SLC39A11: variants seen among roughly 807,000 people sequenced by gnomAD.
SLC39A11 encodes zinc transporter ZIP11.
SLC39A11 carries 33 observed loss-of-function variants against 36.1 expected under a neutral mutation model. The ratio of observed to expected loss-of-function variants is 0.91; its 90% CI spans 0.69 to 1.22. The LOEUF (loss-of-function observed/expected upper bound fraction) is 1.22. SLC39A11 is among the 50% of genes most tolerant of loss of function. The pLI, the probability that SLC39A11 is intolerant of heterozygous loss-of-function variation, is 0.00. For missense variants in SLC39A11, 432 were observed against 430.3 expected, an observed-to-expected ratio of 1.00 and a Z score of -0.03; for synonymous variants, 166 against 170.3, an observed-to-expected ratio of 0.97 and a Z score of 0.20.
intron 5 of SLC39A11, among the ~76,000 whole-genome samples, chr17:72,862,689 A>G (rs2080101144): frequency 6.6e-6 from 1 of 152,202 alleles, no homozygotes; most frequent in Non-Finnish European, 1.5e-5. Context: ...AGGTTTGAGA[A>G]ATACAGATTG....
chr17:72,991,909 T>A (rs2089207976), intron 4 of SLC39A11, among the ~76,000 whole-genome samples: 1 of 152,208 alleles, frequency 6.6e-6, no homozygotes, highest in South Asian at 2.1e-4. Flanking sequence ...TACCAGATAT[T>A]AACAAATTAC....
chr17:72,821,589 T>C (rs926454667), intron 6 of SLC39A11: 2 of 139,344 alleles, frequency 1.4e-5, no homozygotes, highest in Non-Finnish European at 3.1e-5. Context: ...TGAAAAGACA[T>C]ACACACAGCA....
chr17:72,791,655 T>C (rs566873873), intron 6 of SLC39A11, among the ~76,000 whole-genome samples: 5 of 152,246 alleles, frequency 3.3e-5, no homozygotes, highest in Non-Finnish European at 5.9e-5. Context: ...CCAAATCTCA[T>C]CTTGAATTGT....
intron 7 of SLC39A11, among the ~76,000 whole-genome samples, chr17:72,689,905 A>C (rs2071942461): frequency 6.6e-6 from 1 of 152,232 alleles, no homozygotes; most frequent in Non-Finnish European, 1.5e-5. Flanking sequence ...CTAAATGCCA[A>C]TAAATGGTTC....
chr17:72,877,328 C>A (rs1156963346), intron 5 of SLC39A11, among the ~76,000 whole-genome samples: 7 of 152,216 alleles, frequency 4.6e-5, no homozygotes, highest in Admixed American at 4.6e-4. Context: ...ATTCATGACA[C>A]TGGGTCTCTG....
At chr17:73,020,680 CTTTT>C (rs71154945) in intron 4 of SLC39A11, among the ~76,000 whole-genome samples, 15 of 98,896 alleles carry the variant, frequency 1.5e-4, no homozygotes, top group Admixed American at 5.5e-4. Context: ...TTGTTTCTTT[CTTTT>C]TTTTTTTTTT....
intron 3 of SLC39A11, among the ~76,000 whole-genome samples, chr17:73,052,451 T>C (rs1480907457): frequency 6.6e-6 from 1 of 151,332 alleles, no homozygotes; most frequent in Non-Finnish European, 1.5e-5. Flanking sequence ...GATGATAAAA[T>C]AAAGAGCGAA....
At chr17:72,711,498 T>C (rs1269446392) in intron 7 of SLC39A11, among the ~76,000 whole-genome samples, 1 of 152,230 alleles carries the variant, frequency 6.6e-6, no homozygotes, top group Non-Finnish European at 1.5e-5. Context: ...ATGACCGTGG[T>C]GTCATGCTAC....
At chr17:72,857,455 T>C (rs2079705770) in intron 5 of SLC39A11, among the ~76,000 whole-genome samples, 1 of 152,206 alleles carries the variant, frequency 6.6e-6, no homozygotes, top group Non-Finnish European at 1.5e-5. Flanking sequence ...GATGTGCATG[T>C]GTCTTTATGG....
intron 7 of SLC39A11, among the ~76,000 whole-genome samples, chr17:72,721,087 CTTTT>C (rs56090007): frequency 7.9e-6 from 1 of 126,546 alleles, no homozygotes; most frequent in Admixed American, 8.2e-5. Context: ...TGTCCCTCGC[CTTTT>C]TTTTTTTTTT....
intron 5 of SLC39A11, among the ~76,000 whole-genome samples, chr17:72,926,922 C>T (rs1312787257): frequency 1.3e-5 from 2 of 151,458 alleles, no homozygotes; most frequent in African/African-American, 2.4e-5. Flanking sequence ...AAATGCCCCA[C>T]GTGACCTTGC....
At chr17:72,868,583 A>G (rs1282220837) in intron 5 of SLC39A11, among the ~76,000 whole-genome samples, 2 of 142,070 alleles carry the variant, frequency 1.4e-5, no homozygotes, top group African/African-American at 5.2e-5. Flanking sequence ...GTAGTTCAAG[A>G]CCAGCCTCGG....
intron 5 of SLC39A11, among the ~76,000 whole-genome samples, chr17:72,882,831 C>G (rs1267836908): frequency 4.2e-5 from 2 of 47,750 alleles, no homozygotes; most frequent in South Asian, 6.1e-4. Flanking sequence ...GAGTCTCACT[C>G]TAGCTTCCAG....
rs1315633557 is a variant in SLC39A11 at position 72,993,760 on chromosome 17, C to T, written c.306+37796G>A. ...TGTTTGCAAGGTCAAAATCCTTTCT[C>T]TTCCTCCTCCCTCTCTTACTCTCCT... On this transcript the variant is annotated intron_variant, in intron 4 of 9. Coordinates refer to ENST00000255559, the MANE Select transcript of SLC39A11 (RefSeq NM_139177.4). Among the ~76,000 whole-genome samples, 3 of 152,282 alleles carry T rather than the reference C, an allele frequency of 2.0e-5. No homozygotes were observed. In the East Asian group the frequency reaches 5.8e-4, roughly 29 times the overall value.
chr17:72,843,934 G>T (rs1218417602), intron 6 of SLC39A11, among the ~76,000 whole-genome samples: 2 of 152,054 alleles, frequency 1.3e-5, no homozygotes, highest in East Asian at 3.9e-4. Context: ...CTATTAACAA[G>T]CCTTCCATTT....
At chr17:72,946,046 T>G (rs960678197) in intron 5 of SLC39A11, among the ~76,000 whole-genome samples, 8 of 152,154 alleles carry the variant, frequency 5.3e-5, no homozygotes, top group Non-Finnish European at 7.3e-5. Flanking sequence ...CCCAGCGCAG[T>G]CATGTTAGTG....
intron 5 of SLC39A11, among the ~76,000 whole-genome samples, chr17:72,902,550 T>C (rs1295089510): frequency 6.6e-6 from 1 of 152,208 alleles, no homozygotes; most frequent in Admixed American, 6.5e-5. Context: ...AGTAATTTGT[T>C]AACAGCAAAC....
chr17:72,815,193 A>T (rs2077544211), intron 6 of SLC39A11, among the ~76,000 whole-genome samples: 1 of 152,232 alleles, frequency 6.6e-6, no homozygotes, highest in Non-Finnish European at 1.5e-5. Context: ...TAAAACTTAC[A>T]GGAAAATGTA....
At chr17:72,740,377 T>C (rs1445745262) in intron 6 of SLC39A11, among the ~76,000 whole-genome samples, 2 of 152,122 alleles carry the variant, frequency 1.3e-5, no homozygotes, top group African/African-American at 2.4e-5. Flanking sequence ...AATTTCTTAA[T>C]GTTAAGAAAA....
Sources: gnomAD v4.1 joint callset for allele counts (sites outside exome capture counted in the v4.1 genomes callset) on GRCh38, gnomAD v4.1.1 for gene constraint, MANE v1.5 for transcripts, NCBI Gene and HGNC (gene_info 2026-07-23, HGNC 2026-07-21) for gene names.